KCNU1: variants seen among roughly 807,000 people sequenced by gnomAD.
The protein encoded by KCNU1 is potassium channel subfamily U member 1.
KCNU1 carries 93 observed loss-of-function variants against 126.8 expected under a neutral mutation model. The observed-to-expected ratio is 0.73, with a 90% CI of 0.62 to 0.87. KCNU1 has a LOEUF of 0.87. Among genes scored for constraint, KCNU1 ranks in the 40% least tolerant of loss-of-function variants. KCNU1 has a pLI of 0.00. For synonymous variants in KCNU1, 523 were observed against 494.2 expected, an observed-to-expected ratio of 1.06 and a Z score of -0.77; for missense variants, 1,330 against 1,367.1, an observed-to-expected ratio of 0.97 and a Z score of 0.43.
At chr8:36,798,771 G>T (rs1275340119) in intron 2 of KCNU1, among the ~76,000 whole-genome samples, 2 of 152,102 alleles carry the variant, frequency 1.3e-5, no homozygotes, top group Non-Finnish European at 2.9e-5. Flanking sequence ...CTGGACTAAA[G>T]CAATGTATTT....
chr8:36,910,883 C>A, intron 21 of KCNU1, 47 bp from the exon 22 acceptor site: 2 of 1,354,816 alleles, frequency 1.5e-6, no homozygotes, highest in Non-Finnish European at 2.1e-6. Context: ...CATGATATAA[C>A]ATCCCTCCAT....
chr8:36,838,475 G>A (rs565456708), intron 14 of KCNU1, among the ~76,000 whole-genome samples: 3 of 152,082 alleles, frequency 2.0e-5, no homozygotes, highest in South Asian at 4.2e-4. Context: ...TGGGTCACTC[G>A]AGCTCAGGAG....
chr8:36,905,359 C>T (rs1807581343), intron 19 of KCNU1, among the ~76,000 whole-genome samples: 1 of 151,924 alleles, frequency 6.6e-6, no homozygotes, highest in African/African-American at 2.4e-5. Context: ...TATTCAGGTG[C>T]CCAAAACACT....
At chr8:36,798,996 T>G (rs977185060) in intron 2 of KCNU1, among the ~76,000 whole-genome samples, 4 of 152,210 alleles carry the variant, frequency 2.6e-5, no homozygotes, top group African/African-American at 9.6e-5. Context: ...AGAGCACCTC[T>G]TTTAAACTAC....
intron 25 of KCNU1, 45 bp from the exon 26 acceptor site, chr8:36,932,875 G>T: frequency 1.8e-6 from 2 of 1,133,166 alleles, no homozygotes; most frequent in South Asian, 1.3e-5. Flanking sequence ...ATAATTGCTT[G>T]ATCAAAGTGC....
intron 14 of KCNU1, among the ~76,000 whole-genome samples, chr8:36,838,191 G>T (rs1160849840): frequency 6.6e-6 from 1 of 152,172 alleles, no homozygotes; most frequent in Non-Finnish European, 1.5e-5. Flanking sequence ...CCTAGAAAAT[G>T]GTTGATAAGG....
chr8:36,840,736 C>A (rs572986899), intron 15 of KCNU1, among the ~76,000 whole-genome samples, 161 bp downstream of exon 15: 2 of 152,192 alleles, frequency 1.3e-5, no homozygotes, highest in Non-Finnish European at 2.9e-5. Context: ...TGGGATGGGG[C>A]AATTTCATCT....
intron 2 of KCNU1, among the ~76,000 whole-genome samples, chr8:36,787,741 G>A (rs938327323): frequency 1.5e-4 from 22 of 146,726 alleles, no homozygotes; most frequent in South Asian, 1.5e-3. Context: ...TACATTATCC[G>A]TAATAATATG....
chr8:36,871,771 C>A (rs557488615), intron 19 of KCNU1, among the ~76,000 whole-genome samples: 1 of 152,020 alleles, frequency 6.6e-6, no homozygotes, highest in Non-Finnish European at 1.5e-5. Context: ...CAGATCATTG[C>A]GATAAAAATT....
rs145993092 is a variant in KCNU1 at position 36,926,790 on chromosome 8, A to C, written c.2736+4161A>C. On this transcript the variant is annotated intron_variant, in intron 24 of 26. Coordinates refer to ENST00000399881, the MANE Select transcript of KCNU1 (RefSeq NM_001031836.3). Reference sequence around the variant, plus strand: ...TGAGAGATCTGCGTCCCACTGCAACATAAGAGGTTACAGAGGTTACAATTA... The same window carrying C: ...TGAGAGATCTGCGTCCCACTGCAACCTAAGAGGTTACAGAGGTTACAATTA... Among the ~76,000 whole-genome samples the C allele has an allele frequency of 2.8e-3, 426 of 152,286 alleles. 2 individuals carry two copies. Among genetic ancestry groups the C allele is most frequent in the Non-Finnish European group, 4.6e-3 (316 of 68,018 alleles).
At chr8:36,873,767 C>T (rs1471027844) in intron 19 of KCNU1, among the ~76,000 whole-genome samples, 2 of 152,304 alleles carry the variant, frequency 1.3e-5, no homozygotes, top group East Asian at 1.9e-4. Flanking sequence ...AAATATTGTT[C>T]ATTGCTTCTA....
At chr8:36,929,191 G>A (rs1343080815) in intron 24 of KCNU1, 2 of 515,004 alleles carry the variant, frequency 3.9e-6, no homozygotes, top group Non-Finnish European at 6.9e-6. Context: ...AGATCAGCAT[G>A]GCCAACATGG....
At chr8:36,929,120 G>T (rs1044203882) in intron 24 of KCNU1, 10 of 637,944 alleles carry the variant, frequency 1.6e-5, no homozygotes, top group Non-Finnish European at 2.6e-5. Flanking sequence ...AGTGGCTCAT[G>T]CCTGTAATCC....
chr8:36,915,264 A>G (rs1184809422), intron 22 of KCNU1, among the ~76,000 whole-genome samples: 3 of 152,230 alleles, frequency 2.0e-5, no homozygotes, highest in African/African-American at 7.2e-5. Context: ...CAAACCTTGT[A>G]TATTGTAATA....
At chr8:36,919,048 G>A (rs552857487) in intron 23 of KCNU1, among the ~76,000 whole-genome samples, 151 bp downstream of exon 23, 1 of 152,298 alleles carries the variant, frequency 6.6e-6, no homozygotes, top group South Asian at 2.1e-4. Flanking sequence ...GTTACACTGG[G>A]CTTTGATCCA....
At chr8:36,861,727 A>G (rs760745133) in intron 18 of KCNU1, among the ~76,000 whole-genome samples, 10 of 152,206 alleles carry the variant, frequency 6.6e-5, no homozygotes, top group Non-Finnish European at 1.2e-4. Context: ...TAATATAGGC[A>G]TTATTTTCAC....
Position 36,845,899 on chromosome 8 carries a change from G to A in KCNU1, c.1891G>A (p.Val631Met). Residue 631 changes from valine to methionine, a missense_variant and splice_region_variant, in exon 18 of 27, where the codon GTG (valine) becomes ATG (methionine). By Grantham distance (21) the Val-to-Met change is conservative. Transcript: ENST00000399881. ...AAGCAGAAGCCGGCAGCACATCACA[G>A]GTAATTGCACTTTATTTCTGGCTGT... ...CKSRSRQHIT[V>M]PSVKRMKKCL... The A allele has an allele frequency of 6.4e-7, 1 of 1,573,968 alleles. No homozygotes were observed. Among genetic ancestry groups the A allele is most frequent in the African/African-American group, 1.3e-5 (1 of 74,394 alleles).
rs372670243 is a variant in KCNU1 at position 36,911,071 on chromosome 8, G to A, written c.2473G>A (p.Gly825Arg). Residue 825 changes from glycine (G) to arginine (R), a missense_variant, in exon 22 of 27, where the codon GGA becomes AGA. Gly to Arg is a moderately radical substitution (Grantham distance 125). This residue lies in a region of KCNU1 where 1,054 missense variants were observed against 1,053.9 expected (regional missense o/e 1.00). Transcript: ENST00000399881. ...TEAIMATLTI[G>R]SLQIDSSSDP... ...AGCCATCATGGCAACCCTCACCATC[G>A]GATCCTTGCAAATTGACTCCTCCTC... The A allele has an allele frequency of 1.2e-5, 20 of 1,613,374 alleles. No homozygotes were observed. Among genetic ancestry groups the A allele is most frequent in the Non-Finnish European group, 1.4e-5 (17 of 1,179,716 alleles).
At chr8:36,801,672 A>ATG (rs1393501432) in intron 2 of KCNU1, among the ~76,000 whole-genome samples, 2 of 152,118 alleles carry the variant, frequency 1.3e-5, no homozygotes, top group African/African-American at 2.4e-5. Flanking sequence ...AAATGTATAT[A>ATG]TGTGTGTATA....
Sources: allele counts gnomAD v4.1 joint callset (sites outside exome capture counted in the v4.1 genomes callset), GRCh38; gene constraint gnomAD v4.1.1; regional missense constraint gnomAD v4.1.1; transcripts MANE v1.5; gene names NCBI Gene and HGNC (gene_info 2026-07-23, HGNC 2026-07-21).